Variants in CAMTA1 observed in about 807,000 individuals in gnomAD.
CAMTA1 encodes calmodulin-binding transcription activator 1.
CAMTA1 carries 27 observed loss-of-function variants against 170.9 expected under a neutral mutation model. The ratio of observed to expected loss-of-function variants is 0.16; its 90% CI spans 0.12 to 0.22. The LOEUF (loss-of-function observed/expected upper bound fraction) is 0.22. CAMTA1 is among the 10% of genes least tolerant of loss of function. The pLI is 1.00. For synonymous variants in CAMTA1, 833 were observed against 891.5 expected (o/e 0.93, Z 1.17); for missense variants, 1,619 against 2,217.2 (o/e 0.73, Z 5.42).
At chr1:7,008,027 T>A (rs578232061) in intron 3 of CAMTA1, among the ~76,000 whole-genome samples, 9 of 151,768 alleles carry the variant, frequency 5.9e-5, no homozygotes, top group Non-Finnish European at 1.2e-4. Flanking sequence ...AAGATGGGAG[T>A]CCCACCCCAG....
intron 6 of CAMTA1, among the ~76,000 whole-genome samples, chr1:7,624,287 C>T (rs1035735739): frequency 2.6e-5 from 4 of 152,346 alleles, no homozygotes; most frequent in African/African-American, 4.8e-5. Context: ...CCTGCCTATG[C>T]GATTTCTGGG....
intron 4 of CAMTA1, among the ~76,000 whole-genome samples, chr1:7,242,217 G>A (rs951612100): frequency 6.6e-6 from 1 of 152,164 alleles, no homozygotes; most frequent in Non-Finnish European, 1.5e-5. Context: ...AGTTATTAGG[G>A]AAATGCAAAT....
At chr1:7,157,345 A>AAAAG (rs1646951768) in intron 4 of CAMTA1, among the ~76,000 whole-genome samples, 1 of 1,962 alleles carries the variant, frequency 5.1e-4, no homozygotes. Context: ...ACTCTGTCTC[A>AAAAG]AAAAAAAAAA....
intron 5 of CAMTA1, among the ~76,000 whole-genome samples, chr1:7,254,193 C>T (rs879069541): frequency 6.6e-6 from 1 of 152,190 alleles, no homozygotes; most frequent in Non-Finnish European, 1.5e-5. Flanking sequence ...CAACAGGCAA[C>T]CAGAATCGTG....
At chr1:7,560,671 G>A (rs113532294) in intron 6 of CAMTA1, among the ~76,000 whole-genome samples, 2,717 of 152,072 alleles carry the variant, frequency 0.018, 88 homozygotes, top group African/African-American at 0.062. Context: ...AGGTCACCGC[G>A]GCCGGTGTGC....
intron 5 of CAMTA1, among the ~76,000 whole-genome samples, chr1:7,417,368 C>T (rs928464281): frequency 1.2e-4 from 19 of 152,234 alleles, no homozygotes; most frequent in African/African-American, 4.6e-4. Flanking sequence ...GTGCCCTGCC[C>T]CCAGAGGTGG....
At chr1:7,660,100 G>A (rs1413578834) in intron 7 of CAMTA1, among the ~76,000 whole-genome samples, 1 of 152,228 alleles carries the variant, frequency 6.6e-6, no homozygotes, top group Non-Finnish European at 1.5e-5. Flanking sequence ...TTGAGACAGA[G>A]TTTTGCTCTC....
intron 1 of CAMTA1, among the ~76,000 whole-genome samples, chr1:6,793,360 A>C (rs1211200793): frequency 2.6e-5 from 4 of 152,164 alleles, no homozygotes; most frequent in Non-Finnish European, 5.9e-5. Flanking sequence ...GTATTCAGTC[A>C]CTTAAAAACA....
chr1:7,027,638 G>A (rs1342429978), intron 3 of CAMTA1, among the ~76,000 whole-genome samples: 2 of 152,122 alleles, frequency 1.3e-5, no homozygotes, highest in East Asian at 1.9e-4. Context: ...GAAGCATGGC[G>A]GGGATATCTG....
intron 3 of CAMTA1, among the ~76,000 whole-genome samples, chr1:6,888,420 A>G (rs1179519812): frequency 6.6e-6 from 1 of 152,210 alleles, no homozygotes; most frequent in East Asian, 1.9e-4. Context: ...ATGTGATGGT[A>G]TCGGTGCCTC....
chr1:7,467,995 G>C (rs2093252426), intron 6 of CAMTA1, 94 bp downstream of exon 6: 1 of 1,024,254 alleles, frequency 9.8e-7, no homozygotes, highest in Non-Finnish European at 1.5e-6. Context: ...ATGCGACACG[G>C]CTTCGGGCTG....
At chr1:7,651,492 C>T (rs985761288) in intron 7 of CAMTA1, among the ~76,000 whole-genome samples, 7 of 152,262 alleles carry the variant, frequency 4.6e-5, no homozygotes, top group Admixed American at 4.6e-4. Flanking sequence ...GGTTCTCACC[C>T]GTTCCAGGAG....
rs557126307 is a variant in CAMTA1, at chr1:7,297,549, T to C, written c.438+47923T>C. 4.6e-5 allele frequency among the ~76,000 whole-genome samples: 7 copies of C among 152,366 alleles called. No homozygotes were observed. The East Asian group carries it at 7.7e-4, about 17-fold the overall frequency. ...CAGTCTTATAACAGCTATGGAGTTT[T>C]GCCCTGCATGTGGGCAGTTCTGCCC... On this transcript the variant is annotated intron_variant, in intron 5 of 22. Transcript: ENST00000303635.
intron 4 of CAMTA1, among the ~76,000 whole-genome samples, chr1:7,213,821 A>G (rs761038660): frequency 6.8e-6 from 1 of 147,628 alleles, no homozygotes; most frequent in Admixed American, 6.8e-5. Flanking sequence ...ATGTGTTCTC[A>G]TTGTTCAATT....
At chr1:7,132,191 T>A (rs1051303080) in intron 4 of CAMTA1, among the ~76,000 whole-genome samples, 2 of 152,232 alleles carry the variant, frequency 1.3e-5, no homozygotes, top group Admixed American at 1.3e-4. Flanking sequence ...GCAACAAGCC[T>A]GATAGGATTT....
chr1:7,483,862 C>T (rs2093577316), intron 6 of CAMTA1, among the ~76,000 whole-genome samples: 2 of 152,132 alleles, frequency 1.3e-5, no homozygotes, highest in Admixed American at 6.5e-5. Context: ...GTCGGCCAGC[C>T]CCTGACCTGG....
intron 3 of CAMTA1, among the ~76,000 whole-genome samples, chr1:6,950,892 C>A (rs1156433459): frequency 2.0e-5 from 3 of 152,214 alleles, no homozygotes; most frequent in Non-Finnish European, 4.4e-5. Flanking sequence ...GGCTGGCCAC[C>A]AGCAGGAGGT....
intron 3 of CAMTA1, among the ~76,000 whole-genome samples, chr1:7,090,739 C>T (rs1641356050): frequency 6.6e-6 from 1 of 152,172 alleles, no homozygotes; most frequent in Admixed American, 6.5e-5. Flanking sequence ...GTGCCGCTCA[C>T]TAGATTTAAG....
rs146893148 is a variant in CAMTA1, at chr1:6,865,498, C to T, written c.234+40288C>T. ...GGATTTAGTTTGAATTCTGGCTCTA[C>T]CATTTTTAAGATCTGCACTCTTGAG... On this transcript the variant is annotated intron_variant, in intron 3 of 22. Transcript: ENST00000303635. Among the ~76,000 whole-genome samples the T allele has an allele frequency of 1.2e-3, 179 of 152,268 alleles. 1 individual carries two copies. The highest frequency in any genetic ancestry group is 1.9e-4 in the Non-Finnish European group (13 of 68,020).
Sources: gnomAD v4.1 joint callset for allele counts (sites outside exome capture counted in the v4.1 genomes callset) on GRCh38, gnomAD v4.1.1 for gene constraint, MANE v1.5 for transcripts, NCBI Gene and HGNC (gene_info 2026-07-23, HGNC 2026-07-21) for gene names.